The following STRN4 variants were observed in gnomAD, a reference collection of about 807,000 sequenced individuals.
STRN4 encodes striatin-4.
A neutral mutation model predicts 77.9 loss-of-function variants in STRN4; 27 were observed. The observed-to-expected ratio is 0.35, with a 90% CI of 0.26 to 0.48. The LOEUF (loss-of-function observed/expected upper bound fraction) is 0.48. STRN4 is among the 20% of genes least tolerant of loss of function. The pLI is 0.99. For synonymous variants in STRN4, 466 were observed against 443.1 expected, an observed-to-expected ratio of 1.05 and a Z score of -0.65; for missense variants, 798 against 1,049.7, an observed-to-expected ratio of 0.76 and a Z score of 3.31.
intron 16 of STRN4, 180 bp downstream of exon 16, chr19:46,721,806 A>G (rs558917954): frequency 6.6e-6 from 4 of 609,794 alleles, no homozygotes; most frequent in Admixed American, 2.9e-5. Context: ...AGCTCCAGTG[A>G]CCCAGAGGAG....
At chr19:46,739,416 A>G (rs911895634) in intron 1 of STRN4, 1 of 164,610 alleles carries the variant, frequency 6.1e-6, no homozygotes, top group African/African-American at 2.4e-5. Context: ...TTACAAGCCA[A>G]GCCCGCTGTG....
At chr19:46,739,923 C>T (rs1003663809) in intron 1 of STRN4, among the ~76,000 whole-genome samples, 21 of 152,158 alleles carry the variant, frequency 1.4e-4, no homozygotes, top group African/African-American at 4.1e-4. Context: ...GTCCATTGTT[C>T]GCAACTTCGA....
chr19:46,727,652 A>G (rs775392949), intron 8 of STRN4, 106 bp from the exon 9 acceptor site: 18 of 944,492 alleles, frequency 1.9e-5, no homozygotes, highest in Non-Finnish European at 3.0e-5. Flanking sequence ...ATAAAGAGCA[A>G]GAGAGAGAGA....
At chr19:46,725,074 C>G (rs1017660418) in intron 11 of STRN4, 146 bp from the exon 12 acceptor site, 35 of 1,309,206 alleles carry the variant, frequency 2.7e-5, no homozygotes, top group Non-Finnish European at 3.6e-5. Flanking sequence ...CCTGGACAAG[C>G]TGCCTGTCCC....
rs940198550 is a variant in STRN4, at chr19:46,721,973, G to A, written c.2092+13C>T. ...TCTCCCCAACCCTGGTGGGACTAGT[G>A]TGCTCAACTTACTTCCTGACATCAG... On this transcript the variant is annotated intron_variant, in intron 16 of 17. Coordinates refer to ENST00000263280, the MANE Select transcript of STRN4 (RefSeq NM_013403.3). The A allele has an allele frequency of 1.2e-5, 20 of 1,613,416 alleles. No individual in the cohort carries two copies. Among genetic ancestry groups the A allele is most frequent in the Non-Finnish European group, 1.6e-5 (19 of 1,179,924 alleles).
At chr19:46,720,485 G>A in intron 17 of STRN4, 51 bp downstream of exon 17, 1 of 1,236,650 alleles carries the variant, frequency 8.1e-7, no homozygotes, top group Non-Finnish European at 1.1e-6. Flanking sequence ...ACACCTGGCA[G>A]TACTAGGCAT....
At position 46,727,561 on chromosome 19, in the gene STRN4, A is replaced by G; in HGVS notation, c.1154-15T>C. On this transcript the variant is annotated splice_polypyrimidine_tract_variant and intron_variant, in intron 8 of 17. Coordinates refer to ENST00000263280, the MANE Select transcript of STRN4 (RefSeq NM_013403.3). The stretch of plus-strand genomic sequence containing the variant: ...GATGAAGACGTCTGAGGAGAAGCCA[A>G]AGGAACCTGGTAGGGGGAGGGGAGG... 1 of 1,613,150 alleles carries G rather than the reference A, an allele frequency of 6.2e-7. No homozygotes were observed. Among genetic ancestry groups the G allele is most frequent in the Non-Finnish European group, 8.5e-7 (1 of 1,179,352 alleles).
chr19:46,724,745 G>T, intron 12 of STRN4, 62 bp downstream of exon 12: 1 of 1,611,102 alleles, frequency 6.2e-7, no homozygotes, highest in African/African-American at 1.3e-5. Context: ...ACGTGTGTGT[G>T]CGTGGAGGGG....
chr19:46,730,864 T>C lies in STRN4; in HGVS notation c.747A>G (p.Ala249=). 6.2e-7 allele frequency: 1 copy of C among 1,611,072 alleles called. No homozygotes were observed. The highest frequency in any genetic ancestry group is 1.3e-5 in the African/African-American group (1 of 75,060). The change falls in exon 6 of 18, where the codon GCA becomes GCG. Residue 249 remains alanine, a synonymous_variant. Transcript: ENST00000263280. ...CCAAGCGCTCTTTGCCATCTTTGCC[T>C]GCCGCGTTCCTGCCAAAGACAGCAG... is the stretch of plus-strand genomic sequence containing the variant. The part of the protein sequence containing the change: ...QIEEQIKRNA[A]GKDGKERLGG...
chr19:46,738,997 T>C lies in STRN4; in HGVS notation c.283-109A>G. The C allele has an allele frequency of 3.4e-6, 3 of 870,068 alleles. No individual in the cohort carries two copies. Among genetic ancestry groups the C allele is most frequent in the Non-Finnish European group, 3.7e-6 (2 of 539,444 alleles). 53.9% of individuals were successfully genotyped at this position (870,068 alleles called of 1,614,324 possible). ...CCAGCCCACAGTCACCCCACAGTAATGGGCAGCAGCCACTTCCTCAGGCAC... is the reference window on the plus strand; with the variant it reads ...CCAGCCCACAGTCACCCCACAGTAACGGGCAGCAGCCACTTCCTCAGGCAC... On this transcript the variant is annotated intron_variant, in intron 1 of 17. Transcript: ENST00000263280. This position sits in a 1 kb window ranked among gnomAD's most constrained non-coding sequence, Gnocchi z 4.5.
In STRN4 at chr19:46,727,432, G is replaced by T; in HGVS notation, c.1248+20C>A. The T allele has an allele frequency of 6.2e-7, 1 of 1,606,634 alleles. No homozygotes were observed. The highest frequency in any genetic ancestry group is 2.2e-5 in the East Asian group (1 of 44,654). ...CGCAATGCCAATGGGGACAGTGTGG[G>T]GGGCACCCGGAGAACTTACATCGCA... On this transcript the variant is annotated intron_variant, in intron 9 of 17. Coordinates refer to ENST00000263280, the MANE Select transcript of STRN4 (RefSeq NM_013403.3).
At position 46,728,026 on chromosome 19, in the gene STRN4, G is replaced by A. The variant is rs758149337; in HGVS notation, c.1040-19C>T. On this transcript the variant is annotated intron_variant, in intron 7 of 17. Transcript: ENST00000263280. ...CGGCTTTCTGCAGGGTCGAGGCATAGGGCCGGAGTCACCCAGCAGTTCCAA... is the reference window on the plus strand; with the variant it reads ...CGGCTTTCTGCAGGGTCGAGGCATAAGGCCGGAGTCACCCAGCAGTTCCAA... 1 of 1,609,464 alleles carries A rather than the reference G, an allele frequency of 6.2e-7. No homozygotes were observed. The highest frequency in any genetic ancestry group is 8.5e-7 in the Non-Finnish European group (1 of 1,177,882).
chr19:46,732,817 TG>T, intron 5 of STRN4: 1 of 569,522 alleles, frequency 1.8e-6, no homozygotes, highest in Non-Finnish European at 3.1e-6. Context: ...GGGGCAGGGC[TG>T]GAGATGAGGC....
intron 3 of STRN4, among the ~76,000 whole-genome samples, chr19:46,737,588 G>A (rs768214119): frequency 4.0e-5 from 5 of 124,948 alleles, no homozygotes; most frequent in Admixed American, 1.8e-4. Flanking sequence ...CACACTGACC[G>A]ACTCCCTGTC....
Position 46,730,791 on chromosome 19 carries a change from C to T in STRN4, c.820G>A (p.Glu274Lys), listed in dbSNP as rs747459317. The T allele has an allele frequency of 1.9e-6, 3 of 1,612,922 alleles. No individual in the cohort carries two copies. The highest frequency in any genetic ancestry group is 2.5e-6 in the Non-Finnish European group (3 of 1,180,020). Residue 274 changes from glutamate to lysine, a missense_variant, in exon 6 of 18, where the codon GAA becomes AAA. Glu to Lys is a moderately conservative substitution (Grantham distance 56). This residue lies in a region of STRN4 where 511 missense variants were observed against 575.9 expected (regional missense o/e 0.89). Transcript: ENST00000263280. ...QIPFLQNCEDEDSDEDDELDS... is the reference protein window; with the variant it reads ...QIPFLQNCEDKDSDEDDELDS... ...AGCTCATCGTCCTCGTCGCTGTCTT[C>T]GTCCTCGCAGTTCTGCAGGAAGGGG...
At position 46,728,781 on chromosome 19, in the gene STRN4, G is replaced by C. The variant is rs761960194; in HGVS notation, c.880-4C>G. On this transcript the variant is annotated splice_region_variant and splice_polypyrimidine_tract_variant and intron_variant, in intron 6 of 17. Coordinates refer to ENST00000263280, the MANE Select transcript of STRN4 (RefSeq NM_013403.3). ...GCACCAGAGCCTTGGATGGGAGCTG[G>C]CACATGGAGAAAGCCAGACAAGTCA... The C allele has an allele frequency of 1.9e-6, 3 of 1,613,814 alleles. No individual in the cohort carries two copies. The highest frequency in any genetic ancestry group is 2.2e-5 in the South Asian group (2 of 91,080).
In STRN4 at chr19:46,733,030, C is replaced by G; in HGVS notation, c.737+9G>C. The G allele has an allele frequency of 6.2e-7, 1 of 1,603,124 alleles. No homozygotes were observed. The highest frequency in any genetic ancestry group is 8.5e-7 in the Non-Finnish European group (1 of 1,171,624). On this transcript the variant is annotated intron_variant, in intron 5 of 17. Coordinates refer to ENST00000263280, the MANE Select transcript of STRN4 (RefSeq NM_013403.3). The surrounding 1 kb of genome is among the most constrained non-coding windows in gnomAD (Gnocchi z 4.3). ...CAGAGAGACACACCTGCCATGTCCA[C>G]GGGCTCACCTCTTTATCTGCTCCTC...
intron 8 of STRN4, 32 bp from the exon 9 acceptor site, chr19:46,727,578 G>A: frequency 1.3e-6 from 2 of 1,583,680 alleles, no homozygotes; most frequent in Non-Finnish European, 1.7e-6. Flanking sequence ...CTGGTAGGGG[G>A]AGGGGAGGGA....
At position 46,725,783 on chromosome 19, in the gene STRN4, C is replaced by T. The variant is rs146341796; in HGVS notation, c.1249-135G>A. 1,684 of 1,125,262 alleles carry T rather than the reference C, an allele frequency of 1.5e-3. 18 individuals carry two copies. In the African/African-American group the frequency reaches 0.021, roughly 14 times the overall value. 69.7% of individuals were successfully genotyped at this position (1,125,262 alleles called of 1,614,324 possible). ...AGGAATGCCCTCAGAGCCTGGGCTC[C>T]AGCCGGGAACTCTCCCCTTCCTCTG... On this transcript the variant is annotated intron_variant, in intron 9 of 17. Transcript: ENST00000263280.
Sources: allele counts gnomAD v4.1 joint callset (sites outside exome capture counted in the v4.1 genomes callset), GRCh38; gene constraint gnomAD v4.1.1; regional missense constraint gnomAD v4.1.1; non-coding constraint Gnocchi (gnomAD v3.1); transcripts MANE v1.5; gene names NCBI Gene and HGNC (gene_info 2026-07-23, HGNC 2026-07-21).